SLC25A21: variants seen among roughly 807,000 people sequenced by gnomAD.
The protein encoded by SLC25A21 is mitochondrial 2-oxodicarboxylate carrier.
SLC25A21 carries 47 observed loss-of-function variants against 43.8 expected under a neutral mutation model. That is an observed-to-expected ratio of 1.07 (90% CI 0.85 to 1.37). The LOEUF is 1.37. SLC25A21 is among the 40% of genes most tolerant of loss of function. The probability of loss-of-function intolerance (pLI) is 0.00; values close to 1 mark genes in which losing one functional copy is unlikely to be tolerated. For missense variants in SLC25A21, 352 were observed against 350.2 expected, an observed-to-expected ratio of 1.00 and a Z score of -0.04; for synonymous variants, 131 against 121.3, an observed-to-expected ratio of 1.08 and a Z score of -0.52.
chr14:37,122,740 T>C (rs1473870403), intron 1 of SLC25A21, among the ~76,000 whole-genome samples: 5 of 152,198 alleles, frequency 3.3e-5, no homozygotes, highest in Non-Finnish European at 5.9e-5. Flanking sequence ...AAAGAGGAGC[T>C]GTATCCTCCT....
At chr14:36,810,922 AGTGGGGG>A (rs1566636552) in intron 3 of SLC25A21, among the ~76,000 whole-genome samples, 1 of 152,028 alleles carries the variant, frequency 6.6e-6, no homozygotes, top group East Asian at 1.9e-4. Context: ...TAGAGAAAAG[AGTGGGGG>A]AAATAATTCA....
chr14:36,714,803 G>A (rs1432505360), intron 6 of SLC25A21, among the ~76,000 whole-genome samples: 1 of 152,188 alleles, frequency 6.6e-6, no homozygotes, highest in Non-Finnish European at 1.5e-5. Flanking sequence ...AGAGTTAGAA[G>A]TTAAGTTACT....
chr14:36,948,669 C>T (rs1033795221), intron 1 of SLC25A21, among the ~76,000 whole-genome samples: 16 of 152,196 alleles, frequency 1.1e-4, no homozygotes, highest in African/African-American at 3.9e-4. Context: ...AATATGTCAG[C>T]CACTAGCCAC....
At position 37,098,790 on chromosome 14, in the gene SLC25A21, TAGATAGATAGATAGA is replaced by T. The variant is rs764979511; in HGVS notation, c.70+73476_70+73490del. Among the ~76,000 whole-genome samples the T allele has an allele frequency of 7.2e-3, 812 of 113,236 alleles. 42 individuals carry two copies. In the East Asian group the frequency reaches 0.16, roughly 22 times the overall value. 74.3% of individuals were successfully genotyped at this position (113,236 alleles called of 152,430 possible). On this transcript the variant is annotated intron_variant, in intron 1 of 9. Coordinates refer to ENST00000331299, the MANE Select transcript of SLC25A21 (RefSeq NM_030631.4). ...ACAGACAGACAGACAGACAGACAGA[TAGATAGATAGATAGA>T]TTTTTTTTTTTTTTTGAGACAAAGT... is the stretch of plus-strand genomic sequence containing the variant.
intron 1 of SLC25A21, among the ~76,000 whole-genome samples, chr14:36,945,654 C>T (rs1012427772): frequency 6.6e-6 from 1 of 152,070 alleles, no homozygotes; most frequent in African/African-American, 2.4e-5. Flanking sequence ...ATGGTATATA[C>T]CTAGAATAAT....
chr14:36,684,049 G>T (rs982032677), intron 8 of SLC25A21, among the ~76,000 whole-genome samples, 169 bp from the exon 9 acceptor site: 1 of 152,166 alleles, frequency 6.6e-6, no homozygotes, highest in African/African-American at 2.4e-5. Context: ...TGGATGCGGG[G>T]AAAGAGTTAA....
At chr14:36,900,967 C>G (rs1891382637) in intron 1 of SLC25A21, among the ~76,000 whole-genome samples, 1 of 152,204 alleles carries the variant, frequency 6.6e-6, no homozygotes, top group East Asian at 1.9e-4. Context: ...AAAAGTGTAT[C>G]CCAAACCACT....
At chr14:37,090,072 C>T (rs1566873432) in intron 1 of SLC25A21, among the ~76,000 whole-genome samples, 2 of 152,186 alleles carry the variant, frequency 1.3e-5, no homozygotes. Flanking sequence ...TCATCATACC[C>T]CTTTAGAAAT....
chr14:36,816,016 G>T (rs1227599055), intron 2 of SLC25A21, among the ~76,000 whole-genome samples: 1 of 152,152 alleles, frequency 6.6e-6, no homozygotes, highest in Non-Finnish European at 1.5e-5. Context: ...ATAGTTCTAG[G>T]CCTCACAGAA....
intron 3 of SLC25A21, among the ~76,000 whole-genome samples, chr14:36,812,082 T>C (rs1301254932): frequency 6.6e-6 from 1 of 152,064 alleles, no homozygotes; most frequent in East Asian, 1.9e-4. Context: ...AATTAAAAAA[T>C]CTAATCTAAG....
intron 2 of SLC25A21, among the ~76,000 whole-genome samples, chr14:36,862,683 A>C (rs923007112): frequency 1.1e-4 from 16 of 152,166 alleles, no homozygotes; most frequent in African/African-American, 2.9e-4. Context: ...GGGTGCAGCA[A>C]ACCACCATGG....
chr14:36,863,957 C>G (rs183294904), intron 2 of SLC25A21, among the ~76,000 whole-genome samples: 1 of 152,294 alleles, frequency 6.6e-6, no homozygotes, highest in Non-Finnish European at 1.5e-5. Context: ...TTGGCTACAA[C>G]CCTTGCTAGC....
intron 7 of SLC25A21, among the ~76,000 whole-genome samples, chr14:36,687,575 A>G (rs888156192): frequency 1.3e-5 from 2 of 152,210 alleles, no homozygotes; most frequent in Non-Finnish European, 2.9e-5. Context: ...TGAGGCTATC[A>G]CTGACCACCA....
intron 2 of SLC25A21, among the ~76,000 whole-genome samples, chr14:36,856,820 C>G (rs1889913077): frequency 6.6e-6 from 1 of 152,158 alleles, no homozygotes; most frequent in Non-Finnish European, 1.5e-5. Context: ...AAGCACATCC[C>G]ACATAGAAAA....
At chr14:37,081,855 C>T (rs1594784096) in intron 1 of SLC25A21, among the ~76,000 whole-genome samples, 1 of 152,084 alleles carries the variant, frequency 6.6e-6, no homozygotes, top group East Asian at 1.9e-4. Flanking sequence ...ATTCAATTAC[C>T]ACACCAGAAT....
At position 36,680,222 on chromosome 14, in the gene SLC25A21, T is replaced by A. The variant is rs1882159096; in HGVS notation, c.*436A>T. ...ATTCATTATAAAAACTGCTTAAATT[T>A]TGGCTTAACTTTTTTTTAATCCAGT... On this transcript the variant is annotated 3_prime_UTR_variant, in exon 10 of 10. Coordinates refer to ENST00000331299, the MANE Select transcript of SLC25A21 (RefSeq NM_030631.4). 1.1e-6 allele frequency: 1 copy of A among 900,574 alleles called. No individual in the cohort carries two copies. The highest frequency in any genetic ancestry group is 1.3e-6 in the Non-Finnish European group (1 of 752,926). The allele number at this position is 900,574 out of a possible 1,614,324, so 55.8% of individuals were successfully genotyped here.
intron 1 of SLC25A21, among the ~76,000 whole-genome samples, chr14:37,106,372 G>A (rs1962912709): frequency 6.7e-6 from 1 of 150,112 alleles, no homozygotes; most frequent in South Asian, 2.1e-4. Context: ...TGCATTCCTG[G>A]GGGGAGGTCT....
intron 6 of SLC25A21, among the ~76,000 whole-genome samples, chr14:36,724,691 T>C (rs972079851): frequency 6.6e-6 from 1 of 152,196 alleles, no homozygotes; most frequent in African/African-American, 2.4e-5. Flanking sequence ...CAAGGAATGC[T>C]GTCTGCACAA....
rs919301749 is a variant in SLC25A21, at chr14:36,678,674, G to T, written c.*1984C>A. 5.6e-6 allele frequency: 7 copies of T among 1,255,680 alleles called. No individual in the cohort carries two copies. In the Admixed American group the frequency reaches 1.9e-4, roughly 34 times the overall value. 77.8% of individuals were successfully genotyped at this position (1,255,680 alleles called of 1,614,324 possible). On this transcript the variant is annotated 3_prime_UTR_variant, in exon 10 of 10. Coordinates refer to ENST00000331299, the MANE Select transcript of SLC25A21 (RefSeq NM_030631.4). The stretch of plus-strand genomic sequence containing the variant: ...GGGCTTTAAAAAATATTACTTGCTT[G>T]TGTGGAAATGCAAATAATGTTATTT...
Sources: allele counts gnomAD v4.1 joint callset (sites outside exome capture counted in the v4.1 genomes callset), GRCh38; gene constraint gnomAD v4.1.1; transcripts MANE v1.5; gene names NCBI Gene and HGNC (gene_info 2026-07-23, HGNC 2026-07-21).